The following NYAP2 variants were observed in gnomAD, a reference collection of about 807,000 sequenced individuals.
The protein encoded by NYAP2 is neuronal tyrosine-phosphorylated phosphoinositide-3-kinase adaptor 2.
Under a neutral mutation model 50.4 loss-of-function variants are expected in NYAP2, and 23 were observed. The observed-to-expected ratio is 0.46, with a 90% CI of 0.33 to 0.65. NYAP2 has a LOEUF of 0.65. Among genes scored for constraint, NYAP2 ranks in the 30% least tolerant of loss-of-function variants. The pLI, the probability that NYAP2 is intolerant of heterozygous loss-of-function variation, is 0.02. For synonymous variants in NYAP2, 394 were observed against 365.2 expected, an observed-to-expected ratio of 1.08 and a Z score of -0.90; for missense variants, 885 against 861.0, an observed-to-expected ratio of 1.03 and a Z score of -0.35.
the NYAP2 span, chr2:225,703,398 TTTCTC>T: frequency 2.6e-5 from 4 of 151,672 alleles, no homozygotes; most frequent in Non-Finnish European, 5.9e-5. Flanking sequence ...AGATAACAGA[TTTCTC>T]TACTCATGTG....
At chr2:225,625,363 T>G (rs1693191350) in intron 5 of NYAP2, among the ~76,000 whole-genome samples, 1 of 152,164 alleles carries the variant, frequency 6.6e-6, no homozygotes, top group Non-Finnish European at 1.5e-5. Flanking sequence ...AGTCAACCAT[T>G]TTTTAAAAAC....
At chr2:225,554,887 A>G (rs1691749751) in intron 4 of NYAP2, among the ~76,000 whole-genome samples, 2 of 152,294 alleles carry the variant, frequency 1.3e-5, no homozygotes, top group South Asian at 4.1e-4. Flanking sequence ...CCATTTTACT[A>G]TATATGTATA....
At chr2:225,433,073 T>A (rs1689294776) in intron 3 of NYAP2, among the ~76,000 whole-genome samples, 1 of 152,210 alleles carries the variant, frequency 6.6e-6, no homozygotes, top group African/African-American at 2.4e-5. Context: ...GCATCTTGAA[T>A]TATTGGTTCG....
intron 4 of NYAP2, among the ~76,000 whole-genome samples, chr2:225,542,495 A>G (rs1302332491): frequency 6.6e-6 from 1 of 152,106 alleles, no homozygotes; most frequent in South Asian, 2.1e-4. Flanking sequence ...GTTGAATTTT[A>G]TCAAATGCTT....
chr2:225,453,787 C>T (rs1689689964), intron 3 of NYAP2, among the ~76,000 whole-genome samples: 1 of 151,336 alleles, frequency 6.6e-6, no homozygotes, highest in African/African-American at 2.4e-5. Flanking sequence ...CCTGCCTAAA[C>T]CTTCTGAGTA....
chr2:225,507,862 G>A (rs1003651525), intron 3 of NYAP2, among the ~76,000 whole-genome samples: 7 of 152,196 alleles, frequency 4.6e-5, no homozygotes, highest in African/African-American at 1.7e-4. Flanking sequence ...AACAGCTAAG[G>A]AAATGGCCCC....
intron 3 of NYAP2, among the ~76,000 whole-genome samples, chr2:225,480,909 T>C (rs1690196012): frequency 6.6e-6 from 1 of 152,142 alleles, no homozygotes; most frequent in Non-Finnish European, 1.5e-5. Context: ...TTAACTATCT[T>C]AAATTGAGAG....
chr2:225,456,646 G>A (rs1689744028), intron 3 of NYAP2, among the ~76,000 whole-genome samples: 1 of 152,152 alleles, frequency 6.6e-6, no homozygotes, highest in Non-Finnish European at 1.5e-5. Flanking sequence ...AACCACGTGT[G>A]CTGTCTGTAT....
At chr2:225,474,483 C>T (rs918142345) in intron 3 of NYAP2, among the ~76,000 whole-genome samples, 3 of 152,232 alleles carry the variant, frequency 2.0e-5, no homozygotes, top group East Asian at 3.9e-4. Flanking sequence ...TCTTTTATTT[C>T]GTTGAGCAGT....
chr2:225,476,057 G>A (rs532493218), intron 3 of NYAP2, among the ~76,000 whole-genome samples: 77 of 152,294 alleles, frequency 5.1e-4, no homozygotes, highest in African/African-American at 1.7e-3. Context: ...AGAAAACTAT[G>A]AGGAGAGTCT....
intron 3 of NYAP2, among the ~76,000 whole-genome samples, chr2:225,481,940 A>G (rs1273447340): frequency 6.6e-6 from 1 of 152,136 alleles, no homozygotes; most frequent in African/African-American, 2.4e-5. Flanking sequence ...AACAATTTCA[A>G]CAACAAACAC....
At chr2:225,481,273 G>A (rs893524532) in intron 3 of NYAP2, among the ~76,000 whole-genome samples, 6 of 151,826 alleles carry the variant, frequency 4.0e-5, no homozygotes, top group African/African-American at 1.5e-4. Flanking sequence ...TTACATCCAT[G>A]GTCAAATTCT....
intron 5 of NYAP2, among the ~76,000 whole-genome samples, chr2:225,596,499 T>C (rs1433979899): frequency 6.6e-6 from 1 of 152,182 alleles, no homozygotes; most frequent in Non-Finnish European, 1.5e-5. Context: ...AATTAAATGG[T>C]AAGTTTTTGA....
chr2:225,651,748 A>C (rs1047616540), exon 7 of NYAP2: 2 of 665,636 alleles, frequency 3.0e-6, no homozygotes, highest in Non-Finnish European at 5.0e-6. Context: ...TGGTGGTGAA[A>C]CTTTCTTTGC....
intron 3 of NYAP2, among the ~76,000 whole-genome samples, chr2:225,444,438 C>T (rs1003859198): frequency 6.6e-6 from 1 of 152,108 alleles, no homozygotes; most frequent in Non-Finnish European, 1.5e-5. Flanking sequence ...TAAATCTTCC[C>T]ATAAAGATTT....
rs202048379 is a variant in NYAP2, at chr2:225,536,535, C to T, written c.523+22863C>T. Among the ~76,000 whole-genome samples, 140 of 149,832 alleles carry T rather than the reference C, an allele frequency of 9.3e-4. 1 individual carries two copies. Among genetic ancestry groups the T allele is most frequent in the African/African-American group, 3.3e-3 (132 of 40,450 alleles). On this transcript the variant is annotated intron_variant, in intron 4 of 6. Coordinates refer to ENST00000636099, the Ensembl canonical transcript of NYAP2. ...ATTGCTGTTGTTGCCTTGTTTTTTT[C>T]TTTTTTCATTTTTTGAGTATATAGT...
chr2:225,638,605 C>T (rs978916295), intron 6 of NYAP2, among the ~76,000 whole-genome samples: 1 of 152,072 alleles, frequency 6.6e-6, no homozygotes, highest in Non-Finnish European at 1.5e-5. Flanking sequence ...CAGTTACCCA[C>T]AAAAGACAGA....
intron 4 of NYAP2, among the ~76,000 whole-genome samples, chr2:225,529,028 A>G (rs571784508): frequency 6.6e-6 from 1 of 152,362 alleles, no homozygotes; most frequent in South Asian, 2.1e-4. Context: ...CCTCAAACCT[A>G]TATAAAGATT....
At chr2:225,525,258 T>C (rs1005136406) in intron 4 of NYAP2, among the ~76,000 whole-genome samples, 4 of 152,146 alleles carry the variant, frequency 2.6e-5, no homozygotes. Flanking sequence ...AAGAAACCAT[T>C]TCATCAAATG....
Sources: gnomAD v4.1 joint callset for allele counts (sites outside exome capture counted in the v4.1 genomes callset) on GRCh38, gnomAD v4.1.1 for gene constraint, MANE v1.5 for transcripts, NCBI Gene and HGNC (gene_info 2026-07-23, HGNC 2026-07-21) for gene names.